Variants in PDE4D observed in about 807,000 individuals in gnomAD.
The protein encoded by PDE4D is phosphodiesterase 4D, also known as 3',5'-cyclic-AMP phosphodiesterase 4D.
In PDE4D, 24 loss-of-function variants were observed where a neutral mutation model predicts 87.4. The ratio of observed to expected loss-of-function variants is 0.27; its 90% CI spans 0.20 to 0.39. The LOEUF (loss-of-function observed/expected upper bound fraction) is 0.39, where lower values mean the gene tolerates loss of function less well. PDE4D is among the 10% of genes least tolerant of loss of function. The pLI, the probability that PDE4D is intolerant of heterozygous loss-of-function variation, is 1.00. For synonymous variants in PDE4D, 384 were observed against 383.2 expected (o/e 1.00, Z -0.02); for missense variants, 714 against 1,041.0 (o/e 0.69, Z 4.32).
chr5:60,029,013 T>C (rs1031384950), intron 2 of PDE4D, among the ~76,000 whole-genome samples: 1 of 152,242 alleles, frequency 6.6e-6, no homozygotes, highest in Non-Finnish European at 1.5e-5. Flanking sequence ...TAGATACATA[T>C]CTGTCCTCCC....
chr5:59,660,657 T>C lies in PDE4D; in HGVS notation c.455+232511A>G, dbSNP rs115236333. On this transcript the variant is annotated intron_variant, in intron 1 of 14. Transcript: ENST00000340635. Reference sequence around the variant, plus strand: ...ATTCAAACCCCTGGGACTGAGAATATCACCCAGGAAAAAAAGATGCCAAAT... The same window carrying C: ...ATTCAAACCCCTGGGACTGAGAATACCACCCAGGAAAAAAAGATGCCAAAT... Among the ~76,000 whole-genome samples the C allele has an allele frequency of 6.6e-3, 998 of 152,224 alleles. 11 individuals are homozygous for C. The highest frequency in any genetic ancestry group is 0.022 in the African/African-American group (915 of 41,526).
intron 2 of PDE4D, among the ~76,000 whole-genome samples, chr5:60,103,629 A>G (rs1266184816): frequency 5.3e-5 from 8 of 152,194 alleles, no homozygotes; most frequent in African/African-American, 1.4e-4. Context: ...AAGCAGCTCC[A>G]TGGAAAAAAA....
At chr5:59,666,661 A>G (rs1402379065) in intron 1 of PDE4D, among the ~76,000 whole-genome samples, 2 of 152,298 alleles carry the variant, frequency 1.3e-5, no homozygotes, top group South Asian at 2.1e-4. Flanking sequence ...CTGGTACTGA[A>G]AAAGACTGCT....
At chr5:59,146,010 CCAGCTACTCGGGAGGCTAAGG>C (rs1778594880) in intron 5 of PDE4D, among the ~76,000 whole-genome samples, 1 of 152,038 alleles carries the variant, frequency 6.6e-6, no homozygotes. Flanking sequence ...GCCTGTAGTC[CCAGCTACTCGGGAGGCTAAGG>C]CAGGAGAATC....
At position 59,052,182 on chromosome 5, in the gene PDE4D, CGAGCAGG is replaced by C. The variant is rs1332770440; in HGVS notation, c.809-13218_809-13212del. 7.9e-5 allele frequency among the ~76,000 whole-genome samples: 12 copies of C among 152,164 alleles called. No homozygotes were observed. In the East Asian group the frequency reaches 2.1e-3, roughly 27 times the overall value. On this transcript the variant is annotated intron_variant, in intron 5 of 14. Coordinates refer to ENST00000340635, the MANE Select transcript of PDE4D (RefSeq NM_001104631.2). Reference sequence around the variant, plus strand: ...TCAGCCTGGGAGTGCTACTGTAGTTCGAGCAGGGAGAGGGAGGTATGGACTATAGCTC... The same window carrying C: ...TCAGCCTGGGAGTGCTACTGTAGTTCGAGAGGGAGGTATGGACTATAGCTC...
chr5:59,962,925 G>A (rs1242123182), intron 3 of PDE4D, among the ~76,000 whole-genome samples: 8 of 152,128 alleles, frequency 5.3e-5, no homozygotes, highest in African/African-American at 1.9e-4. Flanking sequence ...TTCCATATCT[G>A]AACCAGCTTC....
rs1353835407 is a variant in PDE4D at position 59,158,304 on chromosome 5, T to C, written c.808+22291A>G. Among the ~76,000 whole-genome samples the C allele has an allele frequency of 2.6e-5, 4 of 152,206 alleles. No homozygotes were observed. The East Asian group carries it at 7.7e-4, about 29-fold the overall frequency. On this transcript the variant is annotated intron_variant, in intron 5 of 14. Coordinates refer to ENST00000340635, the MANE Select transcript of PDE4D (RefSeq NM_001104631.2). ...GACAGGAATAGACAAATACCCACTT[T>C]AGCTAAGTATGGGCTGCAGTCAAGC... is the stretch of plus-strand genomic sequence containing the variant.
At chr5:60,281,291 A>T (rs1266819397) in intron 1 of PDE4D, among the ~76,000 whole-genome samples, 7 of 152,188 alleles carry the variant, frequency 4.6e-5, no homozygotes, top group African/African-American at 1.7e-4. Flanking sequence ...AACCACACAA[A>T]TCCAAAATCA....
intron 2 of PDE4D, among the ~76,000 whole-genome samples, chr5:60,111,764 C>A (rs886168097): frequency 4.6e-5 from 7 of 151,522 alleles, no homozygotes; most frequent in Non-Finnish European, 8.8e-5. Context: ...GAAAAATATA[C>A]CTTGTGATAA....
In PDE4D at chr5:60,209,759, A is replaced by AG. The variant is rs545656222; in HGVS notation, c.-89-24073dup. On this transcript the variant is annotated intron_variant, in intron 1 of 16. Transcript: ENST00000502484. ...GAGGGAGGGGGAGAAAAGGAGGGAG[A>AG]GGGAAGGAGGGAGACAGAAAGATCA... Among the ~76,000 whole-genome samples, 638 of 151,998 alleles carry AG rather than the reference A, an allele frequency of 4.2e-3. 3 individuals carry two copies. Among genetic ancestry groups the AG allele is most frequent in the African/African-American group, 0.014 (591 of 41,454 alleles).
At chr5:59,390,797 C>A (rs1788083121) in intron 1 of PDE4D, among the ~76,000 whole-genome samples, 1 of 151,956 alleles carries the variant, frequency 6.6e-6, no homozygotes, top group Non-Finnish European at 1.5e-5. Flanking sequence ...GTAGTCATGC[C>A]ATCCCAAAAT....
At chr5:60,402,582 C>T (rs1741186378) in intron 1 of PDE4D, among the ~76,000 whole-genome samples, 2 of 152,202 alleles carry the variant, frequency 1.3e-5, no homozygotes, top group Non-Finnish European at 2.9e-5. Context: ...GGTTGCACCA[C>T]CGAGTGGACA....
intron 1 of PDE4D, among the ~76,000 whole-genome samples, chr5:59,571,498 G>A (rs146277906): frequency 4.8e-4 from 73 of 152,294 alleles, no homozygotes; most frequent in African/African-American, 1.7e-3. Context: ...GGGGGAAAGT[G>A]GCCACAATCT....
chr5:59,172,238 G>T (rs1455260612), intron 5 of PDE4D, among the ~76,000 whole-genome samples: 1 of 113,696 alleles, frequency 8.8e-6, no homozygotes, highest in Non-Finnish European at 1.7e-5. Flanking sequence ...TAATAAATAT[G>T]TATATAATAT....
intron 1 of PDE4D, among the ~76,000 whole-genome samples, chr5:59,219,753 T>C (rs909054371): frequency 6.6e-6 from 1 of 152,108 alleles, no homozygotes; most frequent in Admixed American, 6.6e-5. Context: ...CGAAATTGTA[T>C]TATATAGGCA....
At chr5:60,319,600 C>A (rs563958131) in intron 1 of PDE4D, among the ~76,000 whole-genome samples, 26 of 152,230 alleles carry the variant, frequency 1.7e-4, no homozygotes, top group Middle Eastern at 3.4e-3. Flanking sequence ...TGTTTTTTCC[C>A]TATCTTTGTG....
chr5:60,138,767 A>C (rs1780265961), intron 2 of PDE4D, among the ~76,000 whole-genome samples: 1 of 152,124 alleles, frequency 6.6e-6, no homozygotes, highest in Non-Finnish European at 1.5e-5. Context: ...ACAGTCATTA[A>C]TATCAGTATA....
At chr5:59,361,757 T>C (rs1782267409) in intron 1 of PDE4D, among the ~76,000 whole-genome samples, 1 of 152,080 alleles carries the variant, frequency 6.6e-6, no homozygotes, top group Non-Finnish European at 1.5e-5. Flanking sequence ...TAGCAAACAG[T>C]CTAGAGACAT....
chr5:59,687,886 C>A (rs1327904964), intron 1 of PDE4D, among the ~76,000 whole-genome samples: 4 of 151,624 alleles, frequency 2.6e-5, no homozygotes, highest in African/African-American at 9.7e-5. Context: ...CTACCAAGCA[C>A]ATGGAAAACA....
Sources: allele counts gnomAD v4.1 joint callset (sites outside exome capture counted in the v4.1 genomes callset), GRCh38; gene constraint gnomAD v4.1.1; transcripts MANE v1.5; gene names NCBI Gene and HGNC (gene_info 2026-07-23, HGNC 2026-07-21).